Variants in ATP2B2 observed in about 807,000 individuals in gnomAD.
The protein encoded by ATP2B2 is ATPase plasma membrane Ca2+ transporting 2.
ATP2B2 carries 15 observed loss-of-function variants against 120.0 expected under a neutral mutation model. The ratio of observed to expected loss-of-function variants is 0.12; its 90% CI spans 0.08 to 0.19. The LOEUF (loss-of-function observed/expected upper bound fraction) is 0.19. ATP2B2 is among the 10% of genes least tolerant of loss of function. The probability of loss-of-function intolerance (pLI) is 1.00; values close to 1 mark genes in which losing one functional copy is unlikely to be tolerated. For missense variants in ATP2B2, 1,045 were observed against 1,719.8 expected (o/e 0.61, Z 6.94); for synonymous variants, 694 against 700.3 (o/e 0.99, Z 0.14).
intron 2 of ATP2B2, among the ~76,000 whole-genome samples, chr3:10,429,864 T>C (rs953573707): frequency 2.0e-5 from 3 of 152,156 alleles, no homozygotes; most frequent in Non-Finnish European, 4.4e-5. Context: ...AAAGTGAAAA[T>C]GTATTGCTGA....
intron 1 of ATP2B2, among the ~76,000 whole-genome samples, chr3:10,503,311 C>T (rs970101688): frequency 3.3e-5 from 5 of 152,226 alleles, no homozygotes; most frequent in African/African-American, 1.2e-4. Flanking sequence ...CCAGTCTGGG[C>T]TCCTGGCGGT....
intron 8 of ATP2B2, among the ~76,000 whole-genome samples, chr3:10,384,795 A>G (rs2061625999): frequency 6.6e-6 from 1 of 152,242 alleles, no homozygotes; most frequent in South Asian, 2.1e-4. Flanking sequence ...AGGGCCAAGG[A>G]GCTGAATCCC....
chr3:10,572,642 A>G (rs761713103), intron 2 of ATP2B2, among the ~76,000 whole-genome samples: 1 of 152,178 alleles, frequency 6.6e-6, no homozygotes, highest in Non-Finnish European at 1.5e-5. Context: ...ACTACACTAC[A>G]TGGAATGATA....
Position 10,695,255 on chromosome 3 carries a change from A to G in ATP2B2, c.-460+12660T>C, listed in dbSNP as rs28377885. 2.3e-3 allele frequency among the ~76,000 whole-genome samples: 195 copies of G among 83,084 alleles called. 2 individuals carry two copies. The highest frequency in any genetic ancestry group is 0.012 in the African/African-American group (150 of 12,226). The allele number at this position is 83,084 out of a possible 152,430, so 54.5% of individuals were successfully genotyped here. A position where few individuals can be genotyped will look rare whatever the true frequency, so the allele number is the denominator to read the frequency against. On this transcript the variant is annotated intron_variant, in intron 1 of 21. Transcript: ENST00000646379. ...GCAGGCAAAGGAGGGAGGGAGGGAG[A>G]GAGAGAGAGAGAGAGAGAGAGAGAG...
Position 10,673,806 on chromosome 3 carries a change from C to CAAAA in ATP2B2, c.-460+34105_-460+34108dup, listed in dbSNP as rs549651187. On this transcript the variant is annotated intron_variant, in intron 1 of 21. Coordinates refer to the ATP2B2 transcript ENST00000646379. ...TGGGTGACAGGGTGAGACCCTGTTT[C>CAAAA]AAAAAAAAAAAAAAAAAAAAAAGAA... Among the ~76,000 whole-genome samples, 76 of 72,056 alleles carry CAAAA rather than the reference C, an allele frequency of 1.1e-3. 3 individuals are homozygous for CAAAA. Among genetic ancestry groups the CAAAA allele is most frequent in the African/African-American group, 2.2e-3 (38 of 17,446 alleles). 47.3% of individuals were successfully genotyped at this position (72,056 alleles called of 152,430 possible).
intron 2 of ATP2B2, among the ~76,000 whole-genome samples, chr3:10,448,801 G>C (rs893788893): frequency 1.3e-5 from 2 of 152,352 alleles, no homozygotes; most frequent in Middle Eastern, 6.8e-3. Flanking sequence ...CCCAGTGGCA[G>C]GGAATTGGCT....
At chr3:10,660,946 C>T (rs1183065062) in intron 1 of ATP2B2, among the ~76,000 whole-genome samples, 12 of 152,196 alleles carry the variant, frequency 7.9e-5, no homozygotes, top group African/African-American at 2.9e-4. Context: ...GTTCAACATA[C>T]ACAAATCAAT....
chr3:10,401,783 G>A (rs1463096365), intron 4 of ATP2B2, among the ~76,000 whole-genome samples: 1 of 152,248 alleles, frequency 6.6e-6, no homozygotes, highest in African/African-American at 2.4e-5. Flanking sequence ...GTGCTGAGAA[G>A]GCTTCTGCGG....
chr3:10,587,258 T>C (rs1303425746), intron 2 of ATP2B2, among the ~76,000 whole-genome samples: 2 of 152,094 alleles, frequency 1.3e-5, no homozygotes, highest in African/African-American at 4.8e-5. Flanking sequence ...TGAGCCGTGA[T>C]CATACCCCTG....
intron 2 of ATP2B2, among the ~76,000 whole-genome samples, chr3:10,534,760 C>G (rs2067275608): frequency 6.6e-6 from 1 of 152,022 alleles, no homozygotes; most frequent in South Asian, 2.1e-4. Context: ...TGAGGGGTAA[C>G]TAAAATATAA....
Position 10,544,018 on chromosome 3 carries a change from C to T in ATP2B2, c.-414-9885G>A, listed in dbSNP as rs564347096. 7.9e-5 allele frequency among the ~76,000 whole-genome samples: 12 copies of T among 152,224 alleles called. No homozygotes were observed. The East Asian group carries it at 2.1e-3, about 27-fold the overall frequency. ...CCTCCCAAAGTGCTAGGATTATAGG[C>T]GTAAGCCACCACACCTGGCCCTGTT... On this transcript the variant is annotated intron_variant, in intron 2 of 21. Coordinates refer to the ATP2B2 transcript ENST00000646379.
intron 2 of ATP2B2, among the ~76,000 whole-genome samples, chr3:10,417,408 A>G (rs1259771396): frequency 6.6e-6 from 1 of 152,186 alleles, no homozygotes; most frequent in Non-Finnish European, 1.5e-5. Context: ...CTAATGGGTG[A>G]GCTGAGGATG....
chr3:10,360,122 G>C lies in ATP2B2; in HGVS notation c.1661C>G (p.Pro554Arg). The change falls in exon 13 of 23, where the codon CCC becomes CGC. Residue 554 changes from proline (P) to arginine (R), a missense_variant and splice_region_variant. Coordinates refer to ENST00000360273, the MANE Select transcript of ATP2B2 (RefSeq NM_001001331.4). ...INSAYTTKIL[P>R]PEKEGALPRQ... ...AGGCAGGGCGCCCTCCTTCTCTGGG[G>C]GCTGCAGAGAGAGGAAGGAGCGGCT... The C allele has an allele frequency of 6.3e-7, 1 of 1,590,904 alleles. No individual in the cohort carries two copies. The highest frequency in any genetic ancestry group is 8.6e-7 in the Non-Finnish European group (1 of 1,165,572).
At chr3:10,550,054 A>G (rs1379919437) in intron 2 of ATP2B2, among the ~76,000 whole-genome samples, 2 of 152,260 alleles carry the variant, frequency 1.3e-5, no homozygotes, top group Non-Finnish European at 2.9e-5. Flanking sequence ...AACAGCCCAA[A>G]GAAGCAATAA....
intron 2 of ATP2B2, among the ~76,000 whole-genome samples, chr3:10,557,076 G>A (rs912826901): frequency 7.2e-5 from 11 of 152,140 alleles, no homozygotes; most frequent in South Asian, 6.2e-4. Flanking sequence ...TCTGAGTCCC[G>A]AGAAGTGGTT....
intron 1 of ATP2B2, among the ~76,000 whole-genome samples, chr3:10,625,656 G>C (rs1180199066): frequency 6.6e-6 from 1 of 152,178 alleles, no homozygotes; most frequent in African/African-American, 2.4e-5. Flanking sequence ...GCTTGGAGGA[G>C]AGTGGCCAGG....
At chr3:10,614,124 C>T (rs190116156) in intron 2 of ATP2B2, among the ~76,000 whole-genome samples, 140 of 152,182 alleles carry the variant, frequency 9.2e-4, no homozygotes, top group Non-Finnish European at 1.5e-3. Flanking sequence ...ACAGCCTTTA[C>T]GGCATATTAC....
rs57707507 is a variant in ATP2B2, at chr3:10,346,694, T to C, written c.2405-557A>G. 0.017 allele frequency among the ~76,000 whole-genome samples: 2,542 copies of C among 152,220 alleles called. 87 individuals carry two copies. The highest frequency in any genetic ancestry group is 0.057 in the African/African-American group (2,385 of 41,530). On this transcript the variant is annotated intron_variant, in intron 16 of 22. Coordinates refer to ENST00000360273, the MANE Select transcript of ATP2B2 (RefSeq NM_001001331.4). This position sits in a 1 kb window ranked among gnomAD's most constrained non-coding sequence, Gnocchi z 4.1. ...CGAATAACAGAATGAACAAATGACA[T>C]GTGGCCCCAGTCACTGAGCTGGGGC...
At chr3:10,431,334 T>A (rs1252602181) in intron 2 of ATP2B2, among the ~76,000 whole-genome samples, 1 of 152,194 alleles carries the variant, frequency 6.6e-6, no homozygotes, top group African/African-American at 2.4e-5. Flanking sequence ...AGAGTCAATC[T>A]ACACAGCAAA....
Sources: allele counts gnomAD v4.1 joint callset (sites outside exome capture counted in the v4.1 genomes callset), GRCh38; gene constraint gnomAD v4.1.1; non-coding constraint Gnocchi (gnomAD v3.1); transcripts MANE v1.5; gene names NCBI Gene and HGNC (gene_info 2026-07-23, HGNC 2026-07-21).